CADM2: variants seen among roughly 807,000 people sequenced by gnomAD.
CADM2 encodes the protein immunoglobulin superfamily member 4D.
In CADM2, 12 loss-of-function variants were observed where a neutral mutation model predicts 49.8. The observed-to-expected ratio is 0.24, with a 90% CI of 0.15 to 0.39. The LOEUF (loss-of-function observed/expected upper bound fraction) is 0.39. Among genes scored for constraint, CADM2 ranks in the 10% least tolerant of loss-of-function variants. The pLI is 1.00. For missense variants in CADM2, 378 were observed against 492.3 expected (o/e 0.77, Z 2.20); for synonymous variants, 214 against 175.4 (o/e 1.22, Z -1.74).
chr3:85,761,807 T>C (rs1296118539), intron 2 of CADM2, among the ~76,000 whole-genome samples: 1 of 152,226 alleles, frequency 6.6e-6, no homozygotes, highest in Non-Finnish European at 1.5e-5. Context: ...AAAGCAGGCT[T>C]AGAGTGCTTA....
chr3:85,360,938 T>A (rs13099750), intron 1 of CADM2, among the ~76,000 whole-genome samples: 41,522 of 152,018 alleles, frequency 0.27, 5,987 homozygotes, highest in South Asian at 0.34. Context: ...TAGTTCTCAT[T>A]CCTTGCCTTT....
chr3:85,549,597 C>A (rs752732154), intron 1 of CADM2, among the ~76,000 whole-genome samples: 24 of 152,056 alleles, frequency 1.6e-4, no homozygotes, highest in Non-Finnish European at 2.5e-4. Context: ...TGTTTACACT[C>A]TGTGGTTATT....
intron 8 of CADM2, chr3:86,027,783 T>A (rs961752356): frequency 2.0e-5 from 3 of 152,120 alleles, no homozygotes; most frequent in African/African-American, 7.2e-5. Flanking sequence ...TTGCTCTTTA[T>A]AACGATATGA....
chr3:85,577,599 A>G (rs899585348), intron 1 of CADM2, among the ~76,000 whole-genome samples: 1 of 152,176 alleles, frequency 6.6e-6, no homozygotes, highest in Non-Finnish European at 1.5e-5. Flanking sequence ...GGCCAAGACA[A>G]AGGACATTTT....
intron 1 of CADM2, among the ~76,000 whole-genome samples, chr3:85,584,102 A>C (rs1576865303): frequency 6.6e-6 from 1 of 152,042 alleles, no homozygotes. Flanking sequence ...TTGAGAAACT[A>C]TTTTTGGTTA....
At chr3:85,850,386 G>A (rs1577471443) in intron 3 of CADM2, among the ~76,000 whole-genome samples, 1 of 144,934 alleles carries the variant, frequency 6.9e-6, no homozygotes, top group African/African-American at 2.6e-5. Context: ...GAGCAGTGGC[G>A]CGATCTCGGC....
chr3:85,996,258 T>C (rs1039970810), intron 8 of CADM2, among the ~76,000 whole-genome samples: 2 of 150,636 alleles, frequency 1.3e-5, no homozygotes, highest in Non-Finnish European at 3.0e-5. Context: ...TGAAAGGCCT[T>C]GCCAAGTTAA....
At chr3:85,318,572 A>G (rs1259426145) in intron 1 of CADM2, among the ~76,000 whole-genome samples, 1 of 152,232 alleles carries the variant, frequency 6.6e-6, no homozygotes, top group African/African-American at 2.4e-5. Context: ...GTCCAAACTA[A>G]TAGTACATTT....
chr3:85,787,425 C>T (rs909644460), intron 2 of CADM2, among the ~76,000 whole-genome samples: 1 of 152,016 alleles, frequency 6.6e-6, no homozygotes, highest in Non-Finnish European at 1.5e-5. Context: ...GATTCATCTT[C>T]AAGGTTAAAA....
intron 1 of CADM2, among the ~76,000 whole-genome samples, chr3:85,092,976 T>C (rs1474611081): frequency 6.6e-6 from 1 of 152,200 alleles, no homozygotes; most frequent in African/African-American, 2.4e-5. Context: ...ACATGCCTTT[T>C]GTTATATCAG....
intron 1 of CADM2, among the ~76,000 whole-genome samples, chr3:85,560,645 C>T (rs1449378): frequency 0.51 from 77,979 of 152,000 alleles, 23,082 homozygotes; most frequent in East Asian, 0.85. Flanking sequence ...TTTTCCTTTC[C>T]GTTTTTTCAC....
intron 1 of CADM2, among the ~76,000 whole-genome samples, chr3:85,456,053 A>T (rs1407015838): frequency 6.6e-6 from 1 of 152,194 alleles, no homozygotes; most frequent in African/African-American, 2.4e-5. Context: ...CTAACTTTTG[A>T]TCTATACAGA....
At chr3:85,721,745 G>C (rs1262248239) in intron 1 of CADM2, among the ~76,000 whole-genome samples, 1 of 152,184 alleles carries the variant, frequency 6.6e-6, no homozygotes, top group Non-Finnish European at 1.5e-5. Context: ...GCCCTGGAAT[G>C]GGGTGCTCCC....
chr3:85,814,602 A>G (rs894948081), intron 3 of CADM2, among the ~76,000 whole-genome samples: 1 of 152,102 alleles, frequency 6.6e-6, no homozygotes, highest in African/African-American at 2.4e-5. Flanking sequence ...GAAATGATCA[A>G]CAAAACAGAT....
intron 1 of CADM2, among the ~76,000 whole-genome samples, chr3:85,427,748 C>T (rs6808159): frequency 0.25 from 37,996 of 151,966 alleles, 4,921 homozygotes; most frequent in South Asian, 0.34. Context: ...CTTCTGTCAT[C>T]ATTTTGAATC....
intron 1 of CADM2, among the ~76,000 whole-genome samples, chr3:85,008,042 GACTA>G (rs1365502260): frequency 2.6e-5 from 4 of 152,038 alleles, no homozygotes; most frequent in East Asian, 3.9e-4. Flanking sequence ...TTTCTGAAAG[GACTA>G]ACTGAGTCTG....
chr3:85,980,742 G>A (rs565718328), intron 8 of CADM2, among the ~76,000 whole-genome samples: 2 of 151,524 alleles, frequency 1.3e-5, no homozygotes, highest in African/African-American at 4.8e-5. Context: ...TTCACAAACG[G>A]CAGTCTAAAT....
At chr3:85,736,266 A>G (rs1446943758) in intron 2 of CADM2, among the ~76,000 whole-genome samples, 1 of 152,244 alleles carries the variant, frequency 6.6e-6, no homozygotes, top group Non-Finnish European at 1.5e-5. Flanking sequence ...CAAGCAATGT[A>G]ACCTTGGTAA....
At chr3:85,253,013 A>C (rs953995441) in intron 1 of CADM2, among the ~76,000 whole-genome samples, 1 of 152,122 alleles carries the variant, frequency 6.6e-6, no homozygotes, top group Non-Finnish European at 1.5e-5. Context: ...GAACTCTACT[A>C]ATGATTACAG....
Sources: gnomAD v4.1 joint callset for allele counts (sites outside exome capture counted in the v4.1 genomes callset) on GRCh38, gnomAD v4.1.1 for gene constraint, MANE v1.5 for transcripts, NCBI Gene and HGNC (gene_info 2026-07-23, HGNC 2026-07-21) for gene names.